Variants in MYT1 observed in about 807,000 individuals in gnomAD.
MYT1 encodes myelin transcription factor I.
A neutral mutation model predicts 123.0 loss-of-function variants in MYT1; 23 were observed. The ratio of observed to expected loss-of-function variants is 0.19; its 90% confidence interval spans 0.13 to 0.26. The LOEUF is 0.26. MYT1 is among the 10% of genes least tolerant of loss of function. The pLI is 1.00. For missense variants in MYT1, 1,125 were observed against 1,472.5 expected, an observed-to-expected ratio of 0.76 and a Z score of 3.86; for synonymous variants, 518 against 575.3, an observed-to-expected ratio of 0.90 and a Z score of 1.43.
intron 18 of MYT1, among the ~76,000 whole-genome samples, chr20:64,229,970 C>T (rs369423479): frequency 8.5e-5 from 13 of 152,250 alleles, no homozygotes; most frequent in East Asian, 3.9e-4. Flanking sequence ...CTTCTGCCCC[C>T]CAACACGTGA....
chr20:64,222,369 G>A (rs1984033655), intron 14 of MYT1, among the ~76,000 whole-genome samples: 1 of 152,212 alleles, frequency 6.6e-6, no homozygotes, highest in African/African-American at 2.4e-5. Context: ...GGAAGCCCTC[G>A]GGGCACCCAG....
At chr20:64,195,902 C>T (rs1413802763) in intron 2 of MYT1, among the ~76,000 whole-genome samples, 2 of 152,166 alleles carry the variant, frequency 1.3e-5, no homozygotes, top group African/African-American at 4.8e-5. Context: ...GAATTATTCT[C>T]CTCCCCACAG....
Position 64,232,272 on chromosome 20 carries a change from C to T in MYT1, c.2784C>T (p.Ser928=). 6.2e-7 allele frequency: 1 copy of T among 1,613,188 alleles called. No homozygotes were observed. The highest frequency in any genetic ancestry group is 1.1e-5 in the South Asian group (1 of 91,082). Residue 928 remains serine, a synonymous_variant, in exon 19 of 23, where the codon TCC becomes TCT. Coordinates refer to ENST00000328439, the MANE Select transcript of MYT1 (RefSeq NM_004535.3). This position sits in a 1 kb window ranked among gnomAD's most constrained non-coding sequence, Gnocchi z 6.9. ...PLAARRQKEG[S]LNGSSFSWKS... ...CCGCCCGCAGGCAGAAGGAAGGGTCCCTCAATGGCTCGTCATTCTCCTGGA... is the reference window on the plus strand; with the variant it reads ...CCGCCCGCAGGCAGAAGGAAGGGTCTCTCAATGGCTCGTCATTCTCCTGGA...
chr20:64,196,863 A>G lies in MYT1; in HGVS notation c.1-1999A>G, dbSNP rs75012175. ...GCTTTAACCTAGCAGAATGCTTGCC[A>G]ATATCCTTGGGAAAACTGGCAATAA... On this transcript the variant is annotated intron_variant, in intron 2 of 22. Coordinates refer to ENST00000328439, the MANE Select transcript of MYT1 (RefSeq NM_004535.3). The surrounding 1 kb of genome is among the most constrained non-coding windows in gnomAD (Gnocchi z 4.3). Among the ~76,000 whole-genome samples the G allele has an allele frequency of 6.6e-3, 1,010 of 152,330 alleles. 13 individuals are homozygous for G. Among genetic ancestry groups the G allele is most frequent in the African/African-American group, 0.024 (978 of 41,566 alleles).
At chr20:64,165,652 T>C (rs1569302500) in intron 1 of MYT1, among the ~76,000 whole-genome samples, 2 of 152,138 alleles carry the variant, frequency 1.3e-5, no homozygotes, top group South Asian at 4.1e-4. Flanking sequence ...GTGGACACCA[T>C]TGGCTGGTAA....
In MYT1 at chr20:64,207,480, G is replaced by A. The variant is rs534706206; in HGVS notation, c.398-114G>A. On this transcript the variant is annotated intron_variant, in intron 6 of 22. Transcript: ENST00000328439. Reference sequence around the variant, plus strand: ...AGTTTCATGTTTCCCCTTGGCTCCCGTATAAAGAGTGAGTGGTAGGTCAGG... The same window carrying A: ...AGTTTCATGTTTCCCCTTGGCTCCCATATAAAGAGTGAGTGGTAGGTCAGG... 9.6e-5 allele frequency: 146 copies of A among 1,515,412 alleles called. No homozygotes were observed. The East Asian group carries it at 1.5e-3, about 15-fold the overall frequency. The allele number at this position is 1,515,412 out of a possible 1,614,324, so 93.9% of individuals were successfully genotyped here.
intron 6 of MYT1, 112 bp downstream of exon 6, chr20:64,205,912 G>T: frequency 6.7e-7 from 1 of 1,496,630 alleles, no homozygotes; most frequent in Non-Finnish European, 8.9e-7. Context: ...CCCTTCCTGA[G>T]AACAAGGCAT....
At chr20:64,165,041 A>G (rs1982041205) in intron 1 of MYT1, among the ~76,000 whole-genome samples, 1 of 152,090 alleles carries the variant, frequency 6.6e-6, no homozygotes, top group Non-Finnish European at 1.5e-5. Context: ...AGGGGAGCGC[A>G]TATCAAAACC....
chr20:64,212,188 TGGGGG>T lies in MYT1; in HGVS notation c.1517+51_1517+55del. 3 of 245,680 alleles carry T rather than the reference TGGGGG, an allele frequency of 1.2e-5. No homozygotes were observed. The highest frequency in any genetic ancestry group is 6.6e-6 in the Non-Finnish European group (1 of 151,578). 15.2% of individuals were successfully genotyped at this position (245,680 alleles called of 1,614,324 possible). On this transcript the variant is annotated intron_variant, in intron 9 of 22. Coordinates refer to ENST00000328439, the MANE Select transcript of MYT1 (RefSeq NM_004535.3). This position sits in a 1 kb window ranked among gnomAD's most constrained non-coding sequence, Gnocchi z 6.8. ...GTGGGGGCCAGGGTGGGGGCCGTGG[TGGGGG>T]CCAGGGTGGGGGCCGTGGTGGGGGC...
Position 64,218,108 on chromosome 20 carries a change from T to G in MYT1, c.1847-803T>G, listed in dbSNP as rs957231736. On this transcript the variant is annotated intron_variant, in intron 11 of 22. Transcript: ENST00000328439. The surrounding 1 kb of genome is among the most constrained non-coding windows in gnomAD (Gnocchi z 4.0). The stretch of plus-strand genomic sequence containing the variant: ...GCTGCCAGTGGGGTGTGAGCCTCTC[T>G]TCCTAACTTTGACAGAACCTGCTCT... 6.6e-6 allele frequency among the ~76,000 whole-genome samples: 1 copy of G among 152,208 alleles called. No individual in the cohort carries two copies. Among genetic ancestry groups the G allele is most frequent in the African/African-American group, 2.4e-5 (1 of 41,446 alleles).
chr20:64,217,948 G>A (rs558593629), intron 11 of MYT1, among the ~76,000 whole-genome samples: 1 of 152,376 alleles, frequency 6.6e-6, no homozygotes, highest in Non-Finnish European at 1.5e-5. Context: ...ATTAGCCCTG[G>A]AAGTGCATGC....
chr20:64,179,660 C>T (rs953549062), intron 1 of MYT1, among the ~76,000 whole-genome samples: 2 of 151,978 alleles, frequency 1.3e-5, no homozygotes, highest in Non-Finnish European at 2.9e-5. Flanking sequence ...CGGTCCAGCT[C>T]CCCTGTCCTT....
chr20:64,205,151 C>G, intron 5 of MYT1, 54 bp downstream of exon 5: 1 of 1,574,794 alleles, frequency 6.4e-7, no homozygotes, highest in Non-Finnish European at 8.7e-7. Flanking sequence ...TTTGGAGCCC[C>G]TGCCCACTCT....
chr20:64,169,355 G>A (rs1353618100), intron 1 of MYT1, among the ~76,000 whole-genome samples: 2 of 152,198 alleles, frequency 1.3e-5, no homozygotes, highest in East Asian at 1.9e-4. Context: ...TGTGCGCCTC[G>A]CTGAGCTAGC....
At chr20:64,171,345 G>T (rs966022335) in intron 1 of MYT1, among the ~76,000 whole-genome samples, 3 of 152,178 alleles carry the variant, frequency 2.0e-5, no homozygotes, top group Admixed American at 6.5e-5. Context: ...AAAGGGATTT[G>T]TTACTGAATG....
rs1250304056 is a variant in MYT1, at chr20:64,190,568, G to T, written c.-1+408G>T. 6.8e-6 allele frequency among the ~76,000 whole-genome samples: 1 copy of T among 147,704 alleles called. No homozygotes were observed. Among genetic ancestry groups the T allele is most frequent in the East Asian group, 2.0e-4 (1 of 4,998 alleles). ...ATGCGCCTGTAATCCCAGCTATTTG[G>T]GGGAGGATCCCAGCTAAGGTGGGAG... On this transcript the variant is annotated intron_variant, in intron 2 of 22. Transcript: ENST00000328439. The surrounding 1 kb of genome is among the most constrained non-coding windows in gnomAD (Gnocchi z 4.1).
intron 16 of MYT1, among the ~76,000 whole-genome samples, chr20:64,226,698 T>A (rs2145728545): frequency 6.6e-6 from 1 of 152,378 alleles, no homozygotes; most frequent in South Asian, 2.1e-4. Flanking sequence ...GTGCTTGTAA[T>A]ATTAAAGTGG....
At position 64,185,128 on chromosome 20, in the gene MYT1, CTG is replaced by C. The variant is rs1468639051; in HGVS notation, c.-98-4931_-98-4930del. On this transcript the variant is annotated intron_variant, in intron 1 of 22. Coordinates refer to ENST00000328439, the MANE Select transcript of MYT1 (RefSeq NM_004535.3). The surrounding 1 kb of genome is among the most constrained non-coding windows in gnomAD (Gnocchi z 4.5). ...GGCAGGGGCGTGAGGTCCAAAGAGA[CTG>C]TGTTTTTAAACATGGATGCCTCAAG... Among the ~76,000 whole-genome samples the C allele has an allele frequency of 6.6e-6, 1 of 152,148 alleles. No homozygotes were observed. The highest frequency in any genetic ancestry group is 1.9e-4 in the East Asian group (1 of 5,196).
intron 13 of MYT1, among the ~76,000 whole-genome samples, chr20:64,221,295 C>T (rs947601271): frequency 1.3e-5 from 2 of 152,126 alleles, no homozygotes; most frequent in Non-Finnish European, 2.9e-5. Flanking sequence ...CTGGCCCCTC[C>T]GTGGGAGGGA....
Sources: allele counts gnomAD v4.1 joint callset (sites outside exome capture counted in the v4.1 genomes callset), GRCh38; gene constraint gnomAD v4.1.1; non-coding constraint Gnocchi (gnomAD v3.1); transcripts MANE v1.5; gene names NCBI Gene and HGNC (gene_info 2026-07-23, HGNC 2026-07-21).